Variants in NEURL1 observed in about 807,000 individuals in gnomAD.
The protein encoded by NEURL1 is neuralized E3 ubiquitin protein ligase 1.
Under a neutral mutation model 41.2 loss-of-function variants are expected in NEURL1, and 26 were observed. The ratio of observed to expected loss-of-function variants is 0.63; its 90% confidence interval spans 0.46 to 0.87. The LOEUF (loss-of-function observed/expected upper bound fraction) is 0.87, where lower values mean the gene tolerates loss of function less well. NEURL1 is among the 40% of genes least tolerant of loss of function. NEURL1 has a pLI of 0.00. For synonymous variants in NEURL1, 400 were observed against 402.3 expected (o/e 0.99, Z 0.07); for missense variants, 761 against 871.1 (o/e 0.87, Z 1.59).
intron 1 of NEURL1, among the ~76,000 whole-genome samples, chr10:103,517,943 T>C (rs2034254811): frequency 6.6e-6 from 1 of 152,182 alleles, no homozygotes; most frequent in South Asian, 2.1e-4. Context: ...CATCCCCTTT[T>C]CACCGATCTT....
intron 1 of NEURL1, among the ~76,000 whole-genome samples, chr10:103,501,040 A>C (rs2033810800): frequency 1.3e-5 from 2 of 152,154 alleles, no homozygotes. Flanking sequence ...CTGGCAGCAA[A>C]GGCACAGAGG....
intron 1 of NEURL1, among the ~76,000 whole-genome samples, chr10:103,495,872 C>A (rs1032748205): frequency 2.0e-5 from 3 of 152,310 alleles, no homozygotes; most frequent in Middle Eastern, 3.4e-3. Flanking sequence ...CTTTGGGAGG[C>A]TGAGGCAGGT....
chr10:103,536,614 T>C (rs2034699483), intron 1 of NEURL1, among the ~76,000 whole-genome samples: 1 of 152,168 alleles, frequency 6.6e-6, no homozygotes, highest in Non-Finnish European at 1.5e-5. Flanking sequence ...TTGGCTATCT[T>C]TATGATGGGG....
intron 3 of NEURL1, among the ~76,000 whole-genome samples, chr10:103,572,202 A>T (rs2035564997): frequency 6.6e-6 from 1 of 152,224 alleles, no homozygotes; most frequent in African/African-American, 2.4e-5. Flanking sequence ...GCCTGTTCTC[A>T]TAGCAACCCT....
chr10:103,530,321 A>AACTTTCCT (rs1156381562), intron 1 of NEURL1, among the ~76,000 whole-genome samples: 1 of 151,678 alleles, frequency 6.6e-6, no homozygotes, highest in Non-Finnish European at 1.5e-5. Context: ...TATTCCTATA[A>AACTTTCCT]ACTTTCCTCA....
At chr10:103,497,752 C>T (rs1172754151) in intron 1 of NEURL1, among the ~76,000 whole-genome samples, 1 of 152,188 alleles carries the variant, frequency 6.6e-6, no homozygotes, top group Non-Finnish European at 1.5e-5. Flanking sequence ...GCCCGAGGAG[C>T]TCCCATGTGC....
chr10:103,496,548 C>T (rs577762792), intron 1 of NEURL1, among the ~76,000 whole-genome samples: 1 of 152,230 alleles, frequency 6.6e-6, no homozygotes, highest in East Asian at 1.9e-4. Flanking sequence ...ATATTTTGCT[C>T]TTTTCTAAAA....
chr10:103,519,195 C>T lies in NEURL1; in HGVS notation c.85+24723C>T, dbSNP rs192109819. Among the ~76,000 whole-genome samples the T allele has an allele frequency of 1.4e-4, 21 of 151,942 alleles. No homozygotes were observed. The East Asian group carries it at 2.3e-3, about 17-fold the overall frequency. On this transcript the variant is annotated intron_variant, in intron 1 of 5. Coordinates refer to ENST00000369780, the MANE Select transcript of NEURL1 (RefSeq NM_004210.5). ...CTGGAAGATGGAGGTTGCAGTGAGC[C>T]GAGATCGTGCCATCACACTCCAGCC...
chr10:103,559,909 A>C (rs913673545), intron 1 of NEURL1, among the ~76,000 whole-genome samples: 2 of 151,422 alleles, frequency 1.3e-5, no homozygotes, highest in Non-Finnish European at 2.9e-5. Context: ...CACACACACA[A>C]CACACACATG....
At chr10:103,527,266 A>AT (rs1222515796) in intron 1 of NEURL1, among the ~76,000 whole-genome samples, 7 of 138,768 alleles carry the variant, frequency 5.0e-5, no homozygotes, top group South Asian at 4.6e-4. Flanking sequence ...GACTGGCTGG[A>AT]TTTTTTTATT....
At chr10:103,590,067 C>A in intron 5 of NEURL1, 67 bp from the exon 6 acceptor site, 1 of 1,488,882 alleles carries the variant, frequency 6.7e-7, no homozygotes, top group Non-Finnish European at 9.3e-7. Flanking sequence ...CCGGGGAGCT[C>A]TCTTCCCGTG....
chr10:103,520,973 G>A (rs2034336434), intron 1 of NEURL1, among the ~76,000 whole-genome samples: 1 of 152,184 alleles, frequency 6.6e-6, no homozygotes, highest in African/African-American at 2.4e-5. Context: ...GGTATTAAAG[G>A]ACTAAGAATT....
At chr10:103,501,342 G>C (rs1161286414) in intron 1 of NEURL1, among the ~76,000 whole-genome samples, 1 of 152,158 alleles carries the variant, frequency 6.6e-6, no homozygotes, top group Non-Finnish European at 1.5e-5. Flanking sequence ...GAGGTTCACA[G>C]AGGCTGTCAG....
chr10:103,572,100 A>T (rs565863510), intron 3 of NEURL1, among the ~76,000 whole-genome samples: 8 of 152,218 alleles, frequency 5.3e-5, no homozygotes, highest in Admixed American at 4.6e-4. Context: ...ATAAATGGTG[A>T]CCTCAAAGAC....
At chr10:103,588,564 C>T (rs545139011) in intron 4 of NEURL1, among the ~76,000 whole-genome samples, 32 of 152,062 alleles carry the variant, frequency 2.1e-4, no homozygotes, top group African/African-American at 7.2e-4. Flanking sequence ...TCTGTCTGCA[C>T]GGGGCCTGAT....
At chr10:103,565,209 A>C (rs934172274) in intron 1 of NEURL1, among the ~76,000 whole-genome samples, 1 of 152,146 alleles carries the variant, frequency 6.6e-6, no homozygotes, top group Non-Finnish European at 1.5e-5. Flanking sequence ...GGGGCCTGCC[A>C]CGTGACAGGA....
intron 1 of NEURL1, among the ~76,000 whole-genome samples, chr10:103,524,019 C>T (rs2034411758): frequency 6.6e-6 from 1 of 152,154 alleles, no homozygotes; most frequent in African/African-American, 2.4e-5. Flanking sequence ...AACCTTGATA[C>T]TGTTTTCCAT....
At chr10:103,559,959 C>T (rs770248803) in intron 1 of NEURL1, among the ~76,000 whole-genome samples, 8 of 151,634 alleles carry the variant, frequency 5.3e-5, no homozygotes, top group Non-Finnish European at 8.8e-5. Context: ...CGTACATGCA[C>T]GCACATATAT....
At chr10:103,576,891 C>T (rs543906009) in intron 3 of NEURL1, among the ~76,000 whole-genome samples, 7 of 152,208 alleles carry the variant, frequency 4.6e-5, no homozygotes, top group African/African-American at 1.7e-4. Flanking sequence ...CTCCAGGCCC[C>T]CTGGAGATAG....
Sources: allele counts gnomAD v4.1 joint callset (sites outside exome capture counted in the v4.1 genomes callset), GRCh38; gene constraint gnomAD v4.1.1; transcripts MANE v1.5; gene names NCBI Gene and HGNC (gene_info 2026-07-23, HGNC 2026-07-21).